UGT2B11: variants seen among roughly 807,000 people sequenced by gnomAD.
The protein encoded by UGT2B11 is UDP-glucuronosyltransferase 2B11.
In UGT2B11, 49 loss-of-function variants were observed where a neutral mutation model predicts 51.7. The observed-to-expected ratio is 0.95, with a 90% confidence interval of 0.75 to 1.20. The LOEUF (loss-of-function observed/expected upper bound fraction) is 1.20. Ranked by LOEUF, UGT2B11 falls within the 50% of genes most tolerant of loss-of-function variation. UGT2B11 has a pLI of 0.00. For missense variants in UGT2B11, 810 were observed against 622.1 expected (o/e 1.30, Z -3.21); for synonymous variants, 273 against 209.0 (o/e 1.31, Z -2.64).
intron 2 of UGT2B11, among the ~76,000 whole-genome samples, chr4:69,209,535 C>T (rs1165432883): frequency 6.6e-6 from 1 of 151,630 alleles, no homozygotes; most frequent in Admixed American, 6.6e-5. Flanking sequence ...CAGATTTAAT[C>T]ATTGGGGTAA....
chr4:69,209,355 G>T (rs13134363), intron 2 of UGT2B11, among the ~76,000 whole-genome samples: 1 of 151,666 alleles, frequency 6.6e-6, no homozygotes, highest in Admixed American at 6.6e-5. Context: ...ACTGGCACCA[G>T]AATAGGAGAG....
chr4:69,223,916 T>C, the UGT2B11 span, among the ~76,000 whole-genome samples: 21 of 152,176 alleles, frequency 1.4e-4, no homozygotes, highest in Middle Eastern at 3.4e-3. Flanking sequence ...ACTTGAGAGG[T>C]CCCAACAAGG....
chr4:69,220,408 G>T, the UGT2B11 span, among the ~76,000 whole-genome samples: 3 of 152,108 alleles, frequency 2.0e-5, no homozygotes, highest in East Asian at 5.8e-4. Context: ...CACTTCTCAC[G>T]GCTCCACTGG....
intron 1 of UGT2B11, 83 bp from the exon 2 acceptor site, chr4:69,212,804 A>T (rs1722122633): frequency 6.8e-7 from 1 of 1,463,612 alleles, no homozygotes; most frequent in African/African-American, 1.5e-5. Flanking sequence ...AGAACAATGT[A>T]AGCAAAGATG....
intron 3 of UGT2B11, among the ~76,000 whole-genome samples, chr4:69,207,561 T>A (rs542934413): frequency 4.0e-5 from 6 of 151,550 alleles, no homozygotes; most frequent in Non-Finnish European, 8.9e-5. Context: ...GCTGCCTCCA[T>A]TGGGAGGAGT....
chr4:69,205,493 C>A lies in UGT2B11; in HGVS notation c.1077G>T (p.Gln359His), dbSNP rs779851457. 9.9e-6 allele frequency: 16 copies of A among 1,610,472 alleles called. No homozygotes were observed. The highest frequency in any genetic ancestry group is 8.5e-7 in the Non-Finnish European group (1 of 1,177,856). The change falls in exon 4 of 6, where the codon CAG becomes CAT. Residue 359 changes from glutamine (Q) to histidine (H), a missense_variant. Physicochemically the swap from Gln to His is conservative, Grantham distance 24 (BLOSUM62 0). Coordinates refer to ENST00000446444, the MANE Select transcript of UGT2B11 (RefSeq NM_001073.3). ...LNTRLYKWIP[Q>H]NDLLGHPKTR... ...CCAGAGTGTTACCTAGAAGGTCATT[C>A]TGGGGTATCCACTTGTACAGCCGAG...
chr4:69,211,323 T>C (rs1722055117), intron 2 of UGT2B11, among the ~76,000 whole-genome samples: 1 of 151,512 alleles, frequency 6.6e-6, no homozygotes, highest in African/African-American at 2.4e-5. Flanking sequence ...TTACTTATGG[T>C]AGAATTTTAG....
intron 3 of UGT2B11, among the ~76,000 whole-genome samples, chr4:69,206,439 C>G (rs1721858760): frequency 6.6e-6 from 1 of 151,462 alleles, no homozygotes; most frequent in South Asian, 2.1e-4. Flanking sequence ...CACGTGGACA[C>G]ATAGATGGCA....
the UGT2B11 span, among the ~76,000 whole-genome samples, chr4:69,223,442 C>A: frequency 6.6e-6 from 1 of 152,106 alleles, no homozygotes; most frequent in Non-Finnish European, 1.5e-5. Context: ...CCATGCTTAC[C>A]GGCAGGATGG....
At chr4:69,204,295 G>C in intron 5 of UGT2B11, 135 bp downstream of exon 5, 2 of 1,349,536 alleles carry the variant, frequency 1.5e-6, no homozygotes. Flanking sequence ...TAAAAACAAA[G>C]CAGATTTCAG....
chr4:69,205,335 C>G (rs2109943193), intron 4 of UGT2B11, 145 bp downstream of exon 4: 3 of 1,077,116 alleles, frequency 2.8e-6, no homozygotes, highest in East Asian at 2.6e-5. Context: ...AACAATTCTA[C>G]CATATTCTTT....
intron 2 of UGT2B11, 121 bp from the exon 3 acceptor site, chr4:69,208,603 A>G: frequency 6.7e-7 from 1 of 1,499,346 alleles, no homozygotes; most frequent in Non-Finnish European, 8.9e-7. Flanking sequence ...TGGAATTAAT[A>G]ATATTTTTTA....
chr4:69,201,280 T>C (rs1721649712), intron 5 of UGT2B11: 1 of 152,002 alleles, frequency 6.6e-6, no homozygotes, highest in Admixed American at 6.6e-5. Flanking sequence ...AGGAATTTTA[T>C]CAAGGTGAGT....
chr4:69,219,398 T>C (rs536786208), upstream of UGT2B11, among the ~76,000 whole-genome samples: 60 of 152,302 alleles, frequency 3.9e-4, 1 homozygote, highest in Non-Finnish European at 7.1e-4. Flanking sequence ...GTAAGTCATC[T>C]GTTTATTCTG....
chr4:69,214,311 T>G lies in UGT2B11; in HGVS notation c.412A>C (p.Lys138Gln). 6.2e-7 allele frequency: 1 copy of G among 1,613,224 alleles called. No homozygotes were observed. The highest frequency in any genetic ancestry group is 8.5e-7 in the Non-Finnish European group (1 of 1,179,500). The change falls in exon 1 of 6, where the codon AAA becomes CAA. Residue 138 changes from lysine (K) to glutamine (Q), a missense_variant. Transcript: ENST00000446444. ...TCAAATCTTGACTCTTGTAGTTTTTTCATAACTTTCTTATTTGAAACTACA... is the reference window on the plus strand; with the variant it reads ...TCAAATCTTGACTCTTGTAGTTTTTGCATAACTTTCTTATTTGAAACTACA... ...KDVVSNKKVM[K>Q]KLQESRFDIV...
chr4:69,204,679 T>C (rs775479213), intron 4 of UGT2B11, 30 bp from the exon 5 acceptor site: 5 of 1,610,094 alleles, frequency 3.1e-6, no homozygotes, highest in Non-Finnish European at 4.2e-6. Context: ...AGCAAAATTA[T>C]TCATAGGAAT....
At chr4:69,209,727 C>G (rs567251868) in intron 2 of UGT2B11, among the ~76,000 whole-genome samples, 1 of 151,442 alleles carries the variant, frequency 6.6e-6, no homozygotes, top group East Asian at 2.0e-4. Context: ...ATTGCAGTTA[C>G]CTGTAGCCAC....
Position 69,214,002 on chromosome 4 carries a change from C to A in UGT2B11, c.721G>T (p.Gly241Ter). The change falls in exon 1 of 6, where the codon GGA becomes TGA. Residue 241 changes from glycine (G) to a stop codon, truncating the protein, a stop_gained and splice_region_variant. Coordinates refer to ENST00000446444, the MANE Select transcript of UGT2B11 (RefSeq NM_001073.3). LOFTEE classifies it high-confidence loss of function. ...KWDQFYSEVLGRPTTLFETMG... is the reference protein window; with the variant it reads ...KWDQFYSEVL ...CGTTACCGATTAAACAAATTCTTAC[C>A]TAAAACTTCACTGTAAAACTGATCC... 1 of 1,557,642 alleles carries A rather than the reference C, an allele frequency of 6.4e-7. No homozygotes were observed. The highest frequency in any genetic ancestry group is 8.7e-7 in the Non-Finnish European group (1 of 1,155,930).
intron 2 of UGT2B11, among the ~76,000 whole-genome samples, chr4:69,211,533 A>G (rs1278546457): frequency 6.6e-6 from 1 of 151,624 alleles, no homozygotes; most frequent in African/African-American, 2.4e-5. Context: ...TCACAAAATA[A>G]CCATAATTAC....
Sources: allele counts gnomAD v4.1 joint callset (sites outside exome capture counted in the v4.1 genomes callset), GRCh38; gene constraint gnomAD v4.1.1; transcripts MANE v1.5; gene names NCBI Gene and HGNC (gene_info 2026-07-23, HGNC 2026-07-21).